Variants in STXBP5 observed in about 807,000 individuals in gnomAD.
STXBP5 encodes the protein syntaxin binding protein 5, also known as syntaxin-binding protein 5.
Under a neutral mutation model 152.4 loss-of-function variants are expected in STXBP5, and 50 were observed. The observed-to-expected ratio is 0.33, with a 90% CI of 0.26 to 0.42. The LOEUF (loss-of-function observed/expected upper bound fraction) is 0.42. Among genes scored for constraint, STXBP5 ranks in the 10% least tolerant of loss-of-function variants. The probability of loss-of-function intolerance (pLI) is 1.00; values close to 1 mark genes in which losing one functional copy is unlikely to be tolerated. For synonymous variants in STXBP5, 492 were observed against 494.7 expected, an observed-to-expected ratio of 0.99 and a Z score of 0.07; for missense variants, 1,167 against 1,388.6, an observed-to-expected ratio of 0.84 and a Z score of 2.54.
chr6:147,210,623 C>T (rs1052725107), intron 2 of STXBP5, among the ~76,000 whole-genome samples: 4 of 152,124 alleles, frequency 2.6e-5, no homozygotes, highest in Admixed American at 6.5e-5. Flanking sequence ...GTCAGTGTGG[C>T]AACCCAGACC....
chr6:147,359,648 C>G (rs1005126191), intron 23 of STXBP5, among the ~76,000 whole-genome samples: 1 of 126,186 alleles, frequency 7.9e-6, no homozygotes, highest in African/African-American at 3.0e-5. Flanking sequence ...GTGTGATGTT[C>G]CCCTTCCCGT....
intron 6 of STXBP5, among the ~76,000 whole-genome samples, chr6:147,264,486 CT>C (rs1357642545): frequency 1.3e-5 from 2 of 152,084 alleles, no homozygotes; most frequent in East Asian, 3.9e-4. Context: ...CAGAGCTAGA[CT>C]TTGGCGGATC....
intron 15 of STXBP5, 47 bp from the exon 16 acceptor site, chr6:147,316,182 G>A: frequency 6.4e-7 from 1 of 1,555,808 alleles, no homozygotes; most frequent in Non-Finnish European, 8.8e-7. Context: ...GTGATAAAAT[G>A]AGCAATAATT....
chr6:147,226,781 C>T (rs1777739085), intron 2 of STXBP5, among the ~76,000 whole-genome samples: 1 of 152,088 alleles, frequency 6.6e-6, no homozygotes, highest in Non-Finnish European at 1.5e-5. Flanking sequence ...TGTTGCTAAA[C>T]TTTTGAGATT....
At position 147,384,734 on chromosome 6, in the gene STXBP5, TA is replaced by T; in HGVS notation, c.3437del (p.Lys1146ArgfsTer30). 6.2e-7 allele frequency: 1 copy of T among 1,612,004 alleles called. No homozygotes were observed. Among genetic ancestry groups the T allele is most frequent in the Admixed American group, 1.7e-5 (1 of 59,764 alleles). ...AHEIMLKYKDKKWYQF is the reference protein window; with the variant it reads ...AHEIMLKYKDXKWYQF ...TTTAGATTATGTTGAAATACAAAGA[TA>T]AGAAGTGGTACCAGTTCTGACAACC... On this transcript the variant is annotated frameshift_variant, in exon 28 of 28. Coordinates refer to ENST00000321680, the MANE Select transcript of STXBP5 (RefSeq NM_001127715.4). LOFTEE classifies it high-confidence loss of function.
intron 21 of STXBP5, among the ~76,000 whole-genome samples, chr6:147,347,917 CAATT>C (rs942080276): frequency 2.0e-5 from 3 of 152,056 alleles, no homozygotes; most frequent in African/African-American, 4.8e-5. Context: ...GATGGATGTT[CAATT>C]AATTTAATGA....
In STXBP5 at chr6:147,267,082, A is replaced by G; in HGVS notation, c.631-2A>G. On this transcript the variant is annotated splice_acceptor_variant, in intron 6 of 27. Coordinates refer to ENST00000321680, the MANE Select transcript of STXBP5 (RefSeq NM_001127715.4). LOFTEE classifies it high-confidence loss of function. ...GTAATGTGCCTTTTTCTTTTATCAC[A>G]GCTTTTGATTGGCTTTGAATCTGGA... 6.2e-7 allele frequency: 1 copy of G among 1,607,190 alleles called. No homozygotes were observed. Among genetic ancestry groups the G allele is most frequent in the Non-Finnish European group, 8.5e-7 (1 of 1,178,068 alleles).
intron 9 of STXBP5, among the ~76,000 whole-genome samples, chr6:147,295,963 T>C (rs1316630798): frequency 6.6e-6 from 1 of 152,028 alleles, no homozygotes; most frequent in Non-Finnish European, 1.5e-5. Context: ...TCCACCATGC[T>C]CACATGGGTG....
At chr6:147,246,156 G>T (rs1429081089) in intron 4 of STXBP5, among the ~76,000 whole-genome samples, 1 of 152,126 alleles carries the variant, frequency 6.6e-6, no homozygotes, top group Non-Finnish European at 1.5e-5. Flanking sequence ...CAGATAAGTT[G>T]CAGTATCAGA....
chr6:147,228,869 T>G (rs1025007876), intron 2 of STXBP5, among the ~76,000 whole-genome samples: 7 of 152,128 alleles, frequency 4.6e-5, no homozygotes, highest in Non-Finnish European at 8.8e-5. Flanking sequence ...GAAATACAAA[T>G]GATTTTAATT....
intron 2 of STXBP5, among the ~76,000 whole-genome samples, chr6:147,234,971 A>C: frequency 6.6e-6 from 1 of 152,068 alleles, no homozygotes. Flanking sequence ...GGGCCAGCAT[A>C]AAATGTATTA....
chr6:147,242,009 A>G (rs1185025481), intron 4 of STXBP5, among the ~76,000 whole-genome samples: 2 of 152,054 alleles, frequency 1.3e-5, no homozygotes, highest in Non-Finnish European at 2.9e-5. Context: ...CCTTCAGGAA[A>G]TATTCCAGAA....
In STXBP5 at chr6:147,315,648, A is replaced by T; in HGVS notation, c.1536A>T (p.Glu512Asp). The T allele has an allele frequency of 6.2e-7, 1 of 1,613,926 alleles. No homozygotes were observed. The highest frequency in any genetic ancestry group is 8.5e-7 in the Non-Finnish European group (1 of 1,179,910). The change falls in exon 15 of 28, where the codon GAA (glutamate) becomes GAT (aspartate). Residue 512 changes from glutamate (E) to aspartate (D), a missense_variant. Physicochemically the swap from Glu to Asp is conservative, Grantham distance 45 (BLOSUM62 2). Transcript: ENST00000321680. ...TTCAGATCATCTCCTGGTGTCCAGA[A>T]AGTAGAATGCTGTGCATCGCTGGAG... ...YAIQIISWCP[E>D]SRMLCIAGVS...
chr6:147,275,682 C>T (rs760700559), intron 7 of STXBP5, among the ~76,000 whole-genome samples: 7 of 150,584 alleles, frequency 4.6e-5, no homozygotes, highest in African/African-American at 9.8e-5. Flanking sequence ...CTCAGCCTCC[C>T]GAGTACCTGG....
rs574707738 is a variant in STXBP5 at position 147,343,534 on chromosome 6, C to G, written c.2254+4150C>G. On this transcript the variant is annotated intron_variant, in intron 21 of 27. Coordinates refer to ENST00000321680, the MANE Select transcript of STXBP5 (RefSeq NM_001127715.4). ...GTTAAGTGACACATCCAAAGTAATG[C>G]CCCATGGTAGTGACTTAGGACTGGA... Among the ~76,000 whole-genome samples, 3 of 152,040 alleles carry G rather than the reference C, an allele frequency of 2.0e-5. No homozygotes were observed. In the East Asian group the frequency reaches 5.8e-4, roughly 29 times the overall value.
In STXBP5 at chr6:147,384,829, A is replaced by G. The variant is rs1299652078; in HGVS notation, c.*74A>G. 1.4e-6 allele frequency: 2 copies of G among 1,448,160 alleles called. No homozygotes were observed. Among genetic ancestry groups the G allele is most frequent in the African/African-American group, 1.4e-5 (1 of 70,374 alleles). 89.7% of individuals were successfully genotyped at this position (1,448,160 alleles called of 1,614,324 possible). On this transcript the variant is annotated 3_prime_UTR_variant, in exon 28 of 28. Coordinates refer to ENST00000321680, the MANE Select transcript of STXBP5 (RefSeq NM_001127715.4). ...CCATTTTTATTACATTCTTTAGGAAAGTTAACGTTAAAGGGATGTTCGTCA... is the reference window on the plus strand; with the variant it reads ...CCATTTTTATTACATTCTTTAGGAAGGTTAACGTTAAAGGGATGTTCGTCA...
At chr6:147,291,299 T>C (rs1781264205) in intron 9 of STXBP5, 127 bp downstream of exon 9, 1 of 607,684 alleles carries the variant, frequency 1.6e-6, no homozygotes, top group Non-Finnish European at 2.6e-6. Context: ...TTTTATGCTT[T>C]TTTTATTTAA....
At chr6:147,245,054 G>A (rs141842031) in intron 4 of STXBP5, among the ~76,000 whole-genome samples, 3,380 of 144,196 alleles carry the variant, frequency 0.023, 117 homozygotes, top group African/African-American at 0.083. Flanking sequence ...GTTCAGTGGC[G>A]TGATCTTGGC....
chr6:147,348,641 G>A (rs573719999), intron 21 of STXBP5, among the ~76,000 whole-genome samples: 116 of 152,246 alleles, frequency 7.6e-4, no homozygotes, highest in African/African-American at 2.7e-3. Flanking sequence ...GCACACTTCA[G>A]AGCTCCTTGG....
Sources: allele counts gnomAD v4.1 joint callset (sites outside exome capture counted in the v4.1 genomes callset), GRCh38; gene constraint gnomAD v4.1.1; transcripts MANE v1.5; gene names NCBI Gene and HGNC (gene_info 2026-07-23, HGNC 2026-07-21).